The following PLEKHA7 variants were observed in gnomAD, a reference collection of about 807,000 sequenced individuals.
The protein encoded by PLEKHA7 is pleckstrin homology domain containing A7.
In PLEKHA7, 104 loss-of-function variants were observed where a neutral mutation model predicts 170.0. That is an observed-to-expected ratio of 0.61 (90% CI 0.52 to 0.72). The LOEUF (loss-of-function observed/expected upper bound fraction) is 0.72, where lower values mean the gene tolerates loss of function less well. Among genes scored for constraint, PLEKHA7 ranks in the 30% least tolerant of loss-of-function variants. The pLI is 0.00. For missense variants in PLEKHA7, 1,615 were observed against 1,671.7 expected (o/e 0.97, Z 0.59); for synonymous variants, 648 against 660.8 (o/e 0.98, Z 0.30).
At position 16,906,430 on chromosome 11, in the gene PLEKHA7, C is replaced by T. The variant is rs571065379; in HGVS notation, c.222-35248G>A. Among the ~76,000 whole-genome samples the T allele has an allele frequency of 3.2e-3, 456 of 144,108 alleles. 2 individuals carry two copies. The highest frequency in any genetic ancestry group is 5.3e-3 in the Non-Finnish European group (354 of 67,318). The allele number at this position is 144,108 out of a possible 152,430, so 94.5% of individuals were successfully genotyped here. Reference sequence around the variant, plus strand: ...CACTGCAACCTCCCTGCCTGATTCTCCTGCCTCAGCCTGCCGAGTGCCTGC... The same window carrying T: ...CACTGCAACCTCCCTGCCTGATTCTTCTGCCTCAGCCTGCCGAGTGCCTGC... On this transcript the variant is annotated intron_variant, in intron 3 of 26. Coordinates refer to ENST00000531066, the MANE Select transcript of PLEKHA7 (RefSeq NM_001329630.2).
intron 3 of PLEKHA7, among the ~76,000 whole-genome samples, chr11:16,942,041 C>T (rs962594295): frequency 2.6e-5 from 4 of 152,174 alleles, no homozygotes; most frequent in African/African-American, 4.8e-5. Flanking sequence ...TTTACTCACG[C>T]GTAAGTTCTA....
rs920956734 is a variant in PLEKHA7, at chr11:16,928,947, C to T, written c.222-57765G>A. Among the ~76,000 whole-genome samples the T allele has an allele frequency of 3.9e-5, 6 of 152,132 alleles. No individual in the cohort carries two copies. In the South Asian group the frequency reaches 1.2e-3, roughly 32 times the overall value. On this transcript the variant is annotated intron_variant, in intron 3 of 26. Transcript: ENST00000531066. ...TAAAAGACTACTAGAGGGATATTTA[C>T]CAAAATGTTAACAATGTCAGAATTA...
At chr11:16,955,304 A>T (rs977415136) in intron 3 of PLEKHA7, among the ~76,000 whole-genome samples, 1 of 152,210 alleles carries the variant, frequency 6.6e-6, no homozygotes, top group Non-Finnish European at 1.5e-5. Context: ...GCCCAGTTCA[A>T]ATATTGCTTC....
chr11:16,891,982 G>A (rs1448876821), intron 3 of PLEKHA7, among the ~76,000 whole-genome samples: 2 of 152,200 alleles, frequency 1.3e-5, no homozygotes, highest in Non-Finnish European at 2.9e-5. Context: ...TGGAGTCACT[G>A]GGAGGCATAT....
intron 9 of PLEKHA7, among the ~76,000 whole-genome samples, chr11:16,838,630 T>C (rs1219062434): frequency 6.7e-6 from 1 of 148,982 alleles, no homozygotes; most frequent in Admixed American, 6.7e-5. Flanking sequence ...AATTAAGACA[T>C]AACATCAACT....
intron 26 of PLEKHA7, 120 bp downstream of exon 26, chr11:16,782,634 C>T (rs988254551): frequency 5.3e-6 from 7 of 1,310,616 alleles, no homozygotes; most frequent in Non-Finnish European, 7.3e-6. Context: ...CACCACTGAC[C>T]CTCAACTACC....
chr11:16,801,186 G>C, intron 16 of PLEKHA7, 111 bp from the exon 17 acceptor site: 1 of 914,174 alleles, frequency 1.1e-6, no homozygotes, highest in East Asian at 2.4e-5. Context: ...AAGAGGGAAG[G>C]AGACCGGGCA....
chr11:16,842,461 C>T (rs1852044674), intron 8 of PLEKHA7: 1 of 152,052 alleles, frequency 6.6e-6, no homozygotes, highest in African/African-American at 2.4e-5. Context: ...AGCTGCAGTC[C>T]CCTGCTAGAA....
chr11:16,820,454 C>T (rs1479452427), intron 10 of PLEKHA7, among the ~76,000 whole-genome samples: 1 of 148,188 alleles, frequency 6.7e-6, no homozygotes, highest in African/African-American at 2.5e-5. Context: ...AGTGAGTCGG[C>T]CTGCCACTAG....
At chr11:16,886,710 C>CAAAA (rs35564863) in intron 3 of PLEKHA7, among the ~76,000 whole-genome samples, 3 of 77,912 alleles carry the variant, frequency 3.9e-5, no homozygotes, top group Non-Finnish European at 7.6e-5. Flanking sequence ...GACTCTGTCT[C>CAAAA]AAAAAAAAAA....
intron 6 of PLEKHA7, among the ~76,000 whole-genome samples, chr11:16,853,350 T>G (rs1853145293): frequency 6.6e-6 from 1 of 152,266 alleles, no homozygotes; most frequent in Admixed American, 6.5e-5. Context: ...AAATGTAACT[T>G]GATGATTTCA....
intron 23 of PLEKHA7, 132 bp downstream of exon 23, chr11:16,788,964 G>T: frequency 2.6e-6 from 3 of 1,150,428 alleles, no homozygotes; most frequent in Non-Finnish European, 3.7e-6. Flanking sequence ...CAGCCCCGTG[G>T]GGTGTTCTCT....
intron 13 of PLEKHA7, chr11:16,803,635 G>A: frequency 3.3e-6 from 1 of 305,244 alleles, no homozygotes; most frequent in Admixed American, 4.6e-5. Context: ...ATTTGCCACC[G>A]ATAAGACAGA....
intron 24 of PLEKHA7, among the ~76,000 whole-genome samples, chr11:16,784,559 C>T (rs1849275170): frequency 6.6e-6 from 1 of 152,208 alleles, no homozygotes; most frequent in African/African-American, 2.4e-5. Flanking sequence ...CAGCATCTCC[C>T]GTGGACCTAG....
At chr11:16,846,910 G>T (rs1201073274) in intron 8 of PLEKHA7, among the ~76,000 whole-genome samples, 1 of 152,010 alleles carries the variant, frequency 6.6e-6, no homozygotes, top group Non-Finnish European at 1.5e-5. Context: ...GTCTGGGTGG[G>T]TGAATCAACC....
intron 3 of PLEKHA7, among the ~76,000 whole-genome samples, chr11:16,982,262 T>C (rs1863474563): frequency 6.6e-6 from 1 of 152,248 alleles, no homozygotes; most frequent in Admixed American, 6.5e-5. Context: ...CAAGGGCAAA[T>C]GCAGGCTCCC....
intron 3 of PLEKHA7, among the ~76,000 whole-genome samples, chr11:16,893,574 C>T (rs1044697134): frequency 2.6e-5 from 4 of 152,124 alleles, no homozygotes; most frequent in African/African-American, 9.7e-5. Context: ...AGTACCCGCC[C>T]CCCCACAAGG....
At position 16,931,768 on chromosome 11, in the gene PLEKHA7, A is replaced by C. The variant is rs572695108; in HGVS notation, c.222-60586T>G. Among the ~76,000 whole-genome samples, 993 of 123,480 alleles carry C rather than the reference A, an allele frequency of 8.0e-3. 11 individuals are homozygous for C. The highest frequency in any genetic ancestry group is 0.038 in the African/African-American group (900 of 23,814). 81.0% of individuals were successfully genotyped at this position (123,480 alleles called of 152,430 possible). ...AATGAGATTCCATCCCCCCCCCCCC[A>C]AAAAAAAAAAAGGGAAGAAGAAGAA... is the stretch of plus-strand genomic sequence containing the variant. On this transcript the variant is annotated intron_variant, in intron 3 of 26. Coordinates refer to ENST00000531066, the MANE Select transcript of PLEKHA7 (RefSeq NM_001329630.2).
At chr11:16,960,312 C>T (rs1008700996) in intron 3 of PLEKHA7, among the ~76,000 whole-genome samples, 8 of 152,218 alleles carry the variant, frequency 5.3e-5, no homozygotes, top group African/African-American at 1.9e-4. Context: ...AAGTGCCTGG[C>T]ACCCAGAGCA....
Sources: gnomAD v4.1 joint callset for allele counts (sites outside exome capture counted in the v4.1 genomes callset) on GRCh38, gnomAD v4.1.1 for gene constraint, MANE v1.5 for transcripts, NCBI Gene and HGNC (gene_info 2026-07-23, HGNC 2026-07-21) for gene names.